The following ZP3 variants were observed in gnomAD, a reference collection of about 807,000 sequenced individuals.
ZP3 encodes zona pellucida sperm-binding protein 3.
Under a neutral mutation model 35.6 loss-of-function variants are expected in ZP3, and 21 were observed. The ratio of observed to expected loss-of-function variants is 0.59; its 90% CI spans 0.42 to 0.85. The LOEUF (loss-of-function observed/expected upper bound fraction) is 0.85, where lower values mean the gene tolerates loss of function less well. Ranked by LOEUF, ZP3 falls within the 40% of genes least tolerant of loss-of-function variation. ZP3 has a pLI of 0.00. For synonymous variants in ZP3, 207 were observed against 214.5 expected (o/e 0.96, Z 0.31); for missense variants, 437 against 536.5 (o/e 0.81, Z 1.83).
chr7:76,425,377 C>A, intron 1 of ZP3, 101 bp downstream of exon 1: 6 of 1,297,244 alleles, frequency 4.6e-6, no homozygotes, highest in Non-Finnish European at 6.3e-6. Flanking sequence ...TTGGGTGGAT[C>A]CCTCTCACTT....
chr7:76,402,445 G>C (rs933610385), intron 1 of ZP3, among the ~76,000 whole-genome samples: 1 of 152,002 alleles, frequency 6.6e-6, no homozygotes, highest in African/African-American at 2.4e-5. Flanking sequence ...GCCTCCCAAA[G>C]TGCTAGGATT....
At chr7:76,423,915 C>A (rs780394593), upstream of ZP3, among the ~76,000 whole-genome samples, 2 of 151,940 alleles carry the variant, frequency 1.3e-5, no homozygotes, top group African/African-American at 2.4e-5. Context: ...CCCGCTTCTG[C>A]TGTGTCTCAG....
intron 2 of ZP3, among the ~76,000 whole-genome samples, chr7:76,431,201 A>AT (rs1805816070): frequency 6.6e-6 from 1 of 152,062 alleles, no homozygotes; most frequent in Non-Finnish European, 1.5e-5. Flanking sequence ...CAGTTGGAGG[A>AT]GCTTGGTGCC....
chr7:76,416,881 C>CATAT (rs200829945), intron 1 of ZP3, among the ~76,000 whole-genome samples: 1 of 134,966 alleles, frequency 7.4e-6, no homozygotes, highest in African/African-American at 3.5e-5. Flanking sequence ...TATATACACA[C>CATAT]ATACATATAT....
In ZP3 at chr7:76,400,388, C is replaced by T. The variant is rs749063727; in HGVS notation, c.-67+2591C>T. 8.1e-6 allele frequency: 13 copies of T among 1,597,012 alleles called. No homozygotes were observed. The Admixed American group carries it at 1.0e-4, about 13-fold the overall frequency. On this transcript the variant is annotated intron_variant, in intron 1 of 8. Transcript: ENST00000336517. ...GCAGCTTCCTGCCCGCGGCACTCCA[C>T]GTTGTCCAGCAGGATGGGGCCTCGG...
At chr7:76,427,925 T>C (rs28670022) in intron 1 of ZP3, among the ~76,000 whole-genome samples, 74,222 of 151,822 alleles carry the variant, frequency 0.49, 18,387 homozygotes, top group South Asian at 0.6. Context: ...AGCAATCCTC[T>C]TCCCTCCCAA....
upstream of ZP3, chr7:76,424,853 C>A: frequency 9.5e-7 from 1 of 1,047,936 alleles, no homozygotes; most frequent in Non-Finnish European, 1.3e-6. Context: ...AACAAGGGCC[C>A]AGCTGGCTAG....
At chr7:76,397,707 A>G in exon 1 of ZP3, 1 of 1,613,444 alleles carries the variant, frequency 6.2e-7, no homozygotes, top group Non-Finnish European at 8.5e-7. Context: ...AGCTGACGAC[A>G]GACCACAGCG....
chr7:76,398,854 G>T, intron 1 of ZP3: 1 of 1,583,472 alleles, frequency 6.3e-7, no homozygotes. Context: ...CTCACACCAC[G>T]GGGTGTTTAA....
chr7:76,400,702 C>T, intron 1 of ZP3: 2 of 1,232,856 alleles, frequency 1.6e-6, no homozygotes, highest in South Asian at 1.7e-5. Context: ...GAGACGGGGT[C>T]TCACTATGTT....
intron 1 of ZP3, chr7:76,428,501 G>A (rs771883598): frequency 6.6e-6 from 1 of 152,112 alleles, no homozygotes. Flanking sequence ...TCGAACTTAG[G>A]TGTTTGCTAT....
At chr7:76,411,400 C>T (rs1226007332) in intron 1 of ZP3, among the ~76,000 whole-genome samples, 1 of 152,060 alleles carries the variant, frequency 6.6e-6, no homozygotes, top group Non-Finnish European at 1.5e-5. Context: ...GACCCCATCT[C>T]TATAAAAAAT....
chr7:76,426,305 G>A (rs1367293538), intron 1 of ZP3, among the ~76,000 whole-genome samples: 2 of 152,168 alleles, frequency 1.3e-5, no homozygotes, highest in African/African-American at 4.8e-5. Context: ...TTACGGCAGG[G>A]CAGGGCTGGG....
At chr7:76,437,824 A>G (rs1190271711) in intron 5 of ZP3, among the ~76,000 whole-genome samples, 3 of 152,142 alleles carry the variant, frequency 2.0e-5, no homozygotes, top group Admixed American at 1.3e-4. Flanking sequence ...AAAGGCCGCT[A>G]TAGGGGAACT....
At chr7:76,405,135 C>T (rs1233057400) in intron 1 of ZP3, among the ~76,000 whole-genome samples, 1 of 145,314 alleles carries the variant, frequency 6.9e-6, no homozygotes, top group South Asian at 2.2e-4. Flanking sequence ...GACAGAGTCT[C>T]ACTCTGTGGC....
At chr7:76,427,192 T>G (rs936997480) in intron 1 of ZP3, among the ~76,000 whole-genome samples, 1 of 152,048 alleles carries the variant, frequency 6.6e-6, no homozygotes, top group African/African-American at 2.4e-5. Context: ...CTTCCTCTGG[T>G]GTGGTGTTTC....
chr7:76,411,504 G>A (rs1318053337), intron 1 of ZP3, among the ~76,000 whole-genome samples: 2 of 152,106 alleles, frequency 1.3e-5, no homozygotes, highest in Non-Finnish European at 2.9e-5. Context: ...GGGAGGTTGA[G>A]CCTGCAGTGA....
At chr7:76,433,694 C>G in intron 4 of ZP3, 47 bp downstream of exon 4, 1 of 1,541,048 alleles carries the variant, frequency 6.5e-7, no homozygotes, top group Non-Finnish European at 8.8e-7. Flanking sequence ...GCAAAATGAC[C>G]CTAAAGCCAC....
At chr7:76,436,281 A>C (rs1057276775) in intron 5 of ZP3, among the ~76,000 whole-genome samples, 8 of 151,960 alleles carry the variant, frequency 5.3e-5, no homozygotes. Flanking sequence ...ACCCGACCTC[A>C]AACGATCCAC....
Sources: allele counts gnomAD v4.1 joint callset (sites outside exome capture counted in the v4.1 genomes callset), GRCh38; gene constraint gnomAD v4.1.1; transcripts MANE v1.5; gene names NCBI Gene and HGNC (gene_info 2026-07-23, HGNC 2026-07-21).